Variants in RAI1 observed in about 807,000 individuals in gnomAD.
RAI1 encodes the protein retinoic acid induced 1, also known as retinoic acid-induced protein 1.
RAI1 carries 9 observed loss-of-function variants against 123.8 expected under a neutral mutation model. The observed-to-expected ratio is 0.07, with a 90% CI of 0.04 to 0.13. The LOEUF (loss-of-function observed/expected upper bound fraction) is 0.13, where lower values mean the gene tolerates loss of function less well. RAI1 is among the 10% of genes least tolerant of loss of function. RAI1 has a pLI of 1.00. For synonymous variants in RAI1, 1,231 were observed against 1,127.3 expected, an observed-to-expected ratio of 1.09 and a Z score of -1.84; for missense variants, 2,256 against 2,545.8, an observed-to-expected ratio of 0.89 and a Z score of 2.45.
intron 2 of RAI1, among the ~76,000 whole-genome samples, chr17:17,734,701 C>T (rs761070681): frequency 6.6e-6 from 1 of 152,208 alleles, no homozygotes; most frequent in Non-Finnish European, 1.5e-5. Context: ...TTCCTATGTG[C>T]GGGTCAGAGC....
Position 17,809,288 on chromosome 17 carries a change from A to G in RAI1, c.5660-102A>G. ...TTTGAAAAGAGCCCCTGCAGTCTGG[A>G]GCCTCGCGGGCAGTGCGGCTCCCCT... On this transcript the variant is annotated intron_variant, in intron 4 of 5. Transcript: ENST00000353383. This position sits in a 1 kb window ranked among gnomAD's most constrained non-coding sequence, Gnocchi z 4.9. 1.0e-6 allele frequency: 1 copy of G among 987,896 alleles called. No homozygotes were observed. The highest frequency in any genetic ancestry group is 1.6e-6 in the Non-Finnish European group (1 of 612,104). The allele number at this position is 987,896 out of a possible 1,614,324, so 61.2% of individuals were successfully genotyped here.
intron 1 of RAI1, among the ~76,000 whole-genome samples, chr17:17,688,436 G>C (rs1185533599): frequency 6.6e-6 from 1 of 151,926 alleles, no homozygotes; most frequent in Non-Finnish European, 1.5e-5. Context: ...AATGAGCCAA[G>C]ATCGTGCCTC....
chr17:17,810,127 T>A lies in RAI1; in HGVS notation c.*146T>A. 2 of 1,171,252 alleles carry A rather than the reference T, an allele frequency of 1.7e-6. No individual in the cohort carries two copies. Among genetic ancestry groups the A allele is most frequent in the Non-Finnish European group, 2.3e-6 (2 of 860,334 alleles). 72.6% of individuals were successfully genotyped at this position (1,171,252 alleles called of 1,614,324 possible). A position where few individuals can be genotyped will look rare whatever the true frequency, so the allele number is the denominator to read the frequency against. On this transcript the variant is annotated 3_prime_UTR_variant, in exon 6 of 6. Coordinates refer to ENST00000353383, the MANE Select transcript of RAI1 (RefSeq NM_030665.4). This position sits in a 1 kb window ranked among gnomAD's most constrained non-coding sequence, Gnocchi z 4.6. Reference sequence around the variant, plus strand: ...GATCCTTGATCCGGGTCCCGGATCGTGGATCCGGCCGCCTAGGGCTCAGAC... The same window carrying A: ...GATCCTTGATCCGGGTCCCGGATCGAGGATCCGGCCGCCTAGGGCTCAGAC...
At chr17:17,789,641 C>T (rs752675937) in intron 2 of RAI1, among the ~76,000 whole-genome samples, 8 of 152,164 alleles carry the variant, frequency 5.3e-5, no homozygotes, top group Non-Finnish European at 1.5e-5. Context: ...GGCCTGCCTC[C>T]TCTGTCCAGC....
Position 17,797,450 on chromosome 17 carries a change from TGGA to T in RAI1, c.4507_4509del (p.Glu1503del). ...GGTGGAGGAGGCAAGAAGCCAAAGATGGAGGAGCTGGGCCTGGCCTCCCAGCCC... is the reference window on the plus strand; with the variant it reads ...GGTGGAGGAGGCAAGAAGCCAAAGATGGAGCTGGGCCTGGCCTCCCAGCCC... On this transcript the variant is annotated inframe_deletion, in exon 3 of 6. Coordinates refer to ENST00000353383, the MANE Select transcript of RAI1 (RefSeq NM_030665.4). 1 of 1,612,452 alleles carries T rather than the reference TGGA, an allele frequency of 6.2e-7. No homozygotes were observed. Among genetic ancestry groups the T allele is most frequent in the Non-Finnish European group, 8.5e-7 (1 of 1,179,778 alleles).
At chr17:17,757,625 C>T (rs2030492784) in intron 2 of RAI1, among the ~76,000 whole-genome samples, 1 of 152,066 alleles carries the variant, frequency 6.6e-6, no homozygotes, top group Admixed American at 6.5e-5. Flanking sequence ...TTTCCCACAA[C>T]TCAACAACCA....
At position 17,795,300 on chromosome 17, in the gene RAI1, C is replaced by A; in HGVS notation, c.2352C>A (p.Thr784=). The change falls in exon 3 of 6, where the codon ACC becomes ACA. Residue 784 remains threonine (T), a synonymous_variant. Transcript: ENST00000353383. The surrounding 1 kb of genome is among the most constrained non-coding windows in gnomAD (Gnocchi z 5.9). ...KASDGISKGD[T]HEASACLGFQ... is the part of the protein sequence containing the mutation. ...CAGATGGCATCAGCAAAGGGGACAC[C>A]CATGAGGCTTCGGCCTGCCTGGGCT... 1.2e-6 allele frequency: 2 copies of A among 1,609,894 alleles called. No homozygotes were observed. The highest frequency in any genetic ancestry group is 2.2e-5 in the East Asian group (1 of 44,758).
intron 4 of RAI1, among the ~76,000 whole-genome samples, chr17:17,806,419 G>A (rs546874249): frequency 2.0e-5 from 3 of 152,352 alleles, no homozygotes; most frequent in Non-Finnish European, 4.4e-5. Context: ...CTCAGAGACT[G>A]AGTTGGCACA....
At chr17:17,706,651 C>T (rs1157168583) in intron 1 of RAI1, among the ~76,000 whole-genome samples, 2 of 152,114 alleles carry the variant, frequency 1.3e-5, no homozygotes, top group African/African-American at 4.8e-5. Flanking sequence ...CGAGCGGCAT[C>T]CAGGGGAGAT....
intron 2 of RAI1, among the ~76,000 whole-genome samples, chr17:17,786,528 CTTA>C (rs1477431289): frequency 6.6e-6 from 1 of 152,126 alleles, no homozygotes; most frequent in Admixed American, 6.5e-5. Flanking sequence ...TCAGGGAAGG[CTTA>C]TTGAGAAGGT....
rs1428568299 is a variant in RAI1, at chr17:17,798,182, G to A, written c.5234G>A (p.Cys1745Tyr). 5.0e-6 allele frequency: 8 copies of A among 1,612,100 alleles called. No homozygotes were observed. Among genetic ancestry groups the A allele is most frequent in the Non-Finnish European group, 6.8e-6 (8 of 1,179,756 alleles). ...PLERTLKGPE[C>Y]AAAATAGKPP... is the part of the protein sequence containing the mutation. The stretch of plus-strand genomic sequence containing the variant: ...GAGAGAACACTCAAAGGTCCCGAGT[G>A]TGCAGCTGCCGCCACTGCCGGGAAG... The change falls in exon 3 of 6, where the codon TGT becomes TAT. Residue 1745 changes from cysteine (C) to tyrosine (Y), a missense_variant. This residue lies in a region of RAI1 where 243 missense variants were observed against 316.6 expected (regional missense o/e 0.77). Transcript: ENST00000353383.
intron 1 of RAI1, among the ~76,000 whole-genome samples, chr17:17,715,795 G>A (rs557236175): frequency 1.3e-5 from 2 of 152,264 alleles, no homozygotes; most frequent in African/African-American, 2.4e-5. Context: ...TGCCCGATCC[G>A]ATCCTCGCCC....
At chr17:17,750,809 C>T (rs1477903905) in intron 2 of RAI1, among the ~76,000 whole-genome samples, 2 of 151,754 alleles carry the variant, frequency 1.3e-5, no homozygotes, top group African/African-American at 2.4e-5. Context: ...TTCAAATAGA[C>T]AGGCCAGTGT....
chr17:17,804,150 G>A lies in RAI1; in HGVS notation c.5659+301G>A, dbSNP rs1168829627. 23 of 455,370 alleles carry A rather than the reference G, an allele frequency of 5.1e-5. 1 individual carries two copies. Among genetic ancestry groups the A allele is most frequent in the South Asian group, 4.5e-4 (22 of 49,010 alleles). The allele number at this position is 455,370 out of a possible 1,614,324, so 28.2% of individuals were successfully genotyped here. Reference sequence around the variant, plus strand: ...GCGGAGCCATCATTGCCAAGGGGCAGGGAGGATCTCAGGCCTCAGAGAGAA... The same window carrying A: ...GCGGAGCCATCATTGCCAAGGGGCAAGGAGGATCTCAGGCCTCAGAGAGAA... On this transcript the variant is annotated intron_variant, in intron 4 of 5. Coordinates refer to ENST00000353383, the MANE Select transcript of RAI1 (RefSeq NM_030665.4).
Position 17,793,015 on chromosome 17 carries a change from G to C in RAI1, c.67G>C (p.Glu23Gln), listed in dbSNP as rs1376549670. ...ACAGAACTACCAGCAGACCTCGCAG[G>C]AAACATCACGCCTAGAGAATTACAG... Reference protein sequence around the residue: ...KQQNYQQTSQETSRLENYRQP... With the variant: ...KQQNYQQTSQQTSRLENYRQP... Residue 23 changes from glutamate (E) to glutamine (Q), a missense_variant, in exon 3 of 6, where the codon GAA (glutamate) becomes CAA (glutamine). Physicochemically the swap from Glu to Gln is conservative, Grantham distance 29. Transcript: ENST00000353383. The C allele has an allele frequency of 6.2e-7, 1 of 1,614,162 alleles. No individual in the cohort carries two copies. Among genetic ancestry groups the C allele is most frequent in the Non-Finnish European group, 8.5e-7 (1 of 1,180,010 alleles).
At chr17:17,751,838 G>A (rs922613676) in intron 2 of RAI1, among the ~76,000 whole-genome samples, 2 of 152,140 alleles carry the variant, frequency 1.3e-5, no homozygotes, top group Non-Finnish European at 2.9e-5. Flanking sequence ...GTTTCCCCCA[G>A]AGCACTCAGT....
chr17:17,793,004 A>T lies in RAI1; in HGVS notation c.56A>T (p.Gln19Leu), dbSNP rs1163199042. 1.9e-6 allele frequency: 3 copies of T among 1,613,958 alleles called. No individual in the cohort carries two copies. The stretch of plus-strand genomic sequence containing the variant: ...CATGGCAAACAACAGAACTACCAGC[A>T]GACCTCGCAGGAAACATCACGCCTA... ...GFHGKQQNYQ[Q>L]TSQETSRLEN... is the part of the protein sequence containing the mutation. The change falls in exon 3 of 6, where the codon CAG (glutamine) becomes CTG (leucine). Residue 19 changes from glutamine (Q) to leucine (L), a missense_variant. Physicochemically the swap from Gln to Leu is moderately radical, Grantham distance 113. Coordinates refer to ENST00000353383, the MANE Select transcript of RAI1 (RefSeq NM_030665.4).
intron 2 of RAI1, among the ~76,000 whole-genome samples, chr17:17,727,185 T>TC (rs1263218886): frequency 2.0e-5 from 3 of 152,218 alleles, no homozygotes; most frequent in Admixed American, 6.5e-5. Context: ...ACACTATTTT[T>TC]CCTTCCCCAC....
At chr17:17,734,572 G>A (rs899619442) in intron 2 of RAI1, among the ~76,000 whole-genome samples, 7 of 152,226 alleles carry the variant, frequency 4.6e-5, no homozygotes, top group Non-Finnish European at 7.3e-5. Flanking sequence ...AGGCCGCTGG[G>A]AATGGGGGTC....
Sources: allele counts gnomAD v4.1 joint callset (sites outside exome capture counted in the v4.1 genomes callset), GRCh38; gene constraint gnomAD v4.1.1; regional missense constraint gnomAD v4.1.1; non-coding constraint Gnocchi (gnomAD v3.1); transcripts MANE v1.5; gene names NCBI Gene and HGNC (gene_info 2026-07-23, HGNC 2026-07-21).